Variants in TMTC2 observed in about 807,000 individuals in gnomAD.
TMTC2 encodes protein O-mannosyl-transferase TMTC2.
Under a neutral mutation model 82.4 loss-of-function variants are expected in TMTC2, and 43 were observed. The ratio of observed to expected loss-of-function variants is 0.52; its 90% CI spans 0.41 to 0.67. The LOEUF (loss-of-function observed/expected upper bound fraction) is 0.67, where lower values mean the gene tolerates loss of function less well. TMTC2 is among the 30% of genes least tolerant of loss of function. The pLI is 0.00. For synonymous variants in TMTC2, 408 were observed against 381.9 expected (o/e 1.07, Z -0.80); for missense variants, 919 against 1,012.4 (o/e 0.91, Z 1.25).
At chr12:82,976,478 C>T (rs1878681067) in intron 7 of TMTC2, among the ~76,000 whole-genome samples, 2 of 151,900 alleles carry the variant, frequency 1.3e-5, no homozygotes, top group South Asian at 2.1e-4. Context: ...AAGAGTTTCC[C>T]CTTAAGTTTA....
intron 10 of TMTC2, among the ~76,000 whole-genome samples, chr12:83,051,497 C>T (rs1882346187): frequency 6.6e-6 from 1 of 152,008 alleles, no homozygotes; most frequent in Admixed American, 6.6e-5. Context: ...CCTCTAAAAA[C>T]TACTAGTCAT....
At chr12:82,963,850 T>C (rs1206295737) in intron 4 of TMTC2, among the ~76,000 whole-genome samples, 2 of 119,310 alleles carry the variant, frequency 1.7e-5, no homozygotes, top group Non-Finnish European at 3.6e-5. Context: ...TATATATATA[T>C]GTGAAAGTGA....
chr12:83,002,120 G>A lies in TMTC2; in HGVS notation c.2070+16074G>A, dbSNP rs193121721. 4.6e-3 allele frequency among the ~76,000 whole-genome samples: 705 copies of A among 152,056 alleles called. 9 individuals carry two copies. Among genetic ancestry groups the A allele is most frequent in the African/African-American group, 0.016 (678 of 41,502 alleles). Reference sequence around the variant, plus strand: ...CCATCCAGTGGAAATCTTTTTTGGTGGTTAGGTTTTTTTATTACTGATTCA... The same window carrying A: ...CCATCCAGTGGAAATCTTTTTTGGTAGTTAGGTTTTTTTATTACTGATTCA... On this transcript the variant is annotated intron_variant, in intron 8 of 11. Coordinates refer to ENST00000321196, the MANE Select transcript of TMTC2 (RefSeq NM_152588.3).
intron 8 of TMTC2, among the ~76,000 whole-genome samples, chr12:83,029,114 TTTTTG>T (rs375722686): frequency 1.5e-4 from 23 of 152,144 alleles, no homozygotes; most frequent in African/African-American, 3.9e-4. Context: ...AACAATGAGT[TTTTTG>T]TTTTGTTTTG....
At chr12:83,118,274 T>C (rs1471225037) in intron 11 of TMTC2, among the ~76,000 whole-genome samples, 1 of 152,128 alleles carries the variant, frequency 6.6e-6, no homozygotes, top group East Asian at 1.9e-4. Context: ...TGCTTTCAAC[T>C]TTTCCCCATT....
chr12:82,959,046 G>A (rs1280991714), intron 4 of TMTC2, among the ~76,000 whole-genome samples: 4 of 152,074 alleles, frequency 2.6e-5, no homozygotes, highest in African/African-American at 4.8e-5. Context: ...TTCAAGCTGA[G>A]AGGGAAATAA....
chr12:82,990,921 G>GA (rs542101601), intron 8 of TMTC2, among the ~76,000 whole-genome samples: 150 of 151,832 alleles, frequency 9.9e-4, no homozygotes, highest in African/African-American at 2.2e-3. Flanking sequence ...GATCTGTGCT[G>GA]AAAAAAAATG....
At chr12:82,978,266 T>A (rs74109003) in intron 7 of TMTC2, among the ~76,000 whole-genome samples, 93 of 151,908 alleles carry the variant, frequency 6.1e-4, no homozygotes, top group African/African-American at 2.1e-3. Context: ...GAAATGAATG[T>A]ATATAAATAT....
chr12:82,964,886 G>T (rs1592661620), intron 4 of TMTC2, 138 bp from the exon 5 acceptor site: 1 of 507,988 alleles, frequency 2.0e-6, no homozygotes, highest in Non-Finnish European at 3.5e-6. Flanking sequence ...CTTATATTTA[G>T]AATTTATTTT....
At chr12:82,949,878 T>A (rs1877252038) in intron 4 of TMTC2, among the ~76,000 whole-genome samples, 1 of 152,200 alleles carries the variant, frequency 6.6e-6, no homozygotes, top group Admixed American at 6.5e-5. Flanking sequence ...AACCCCTTTA[T>A]AAGTGTATTG....
At chr12:82,806,983 G>T (rs954833703) in intron 1 of TMTC2, among the ~76,000 whole-genome samples, 1 of 152,080 alleles carries the variant, frequency 6.6e-6, no homozygotes, top group Non-Finnish European at 1.5e-5. Context: ...ATGACTCCTA[G>T]CACAGAACCC....
chr12:82,917,823 T>C lies in TMTC2; in HGVS notation c.1484-12608T>C, dbSNP rs535772733. On this transcript the variant is annotated intron_variant, in intron 3 of 11. Transcript: ENST00000321196. Reference sequence around the variant, plus strand: ...TTCACCGTGTTAGCCAGGATGGTCTTGATCTCCTGACCTCGTGATCCACCC... The same window carrying C: ...TTCACCGTGTTAGCCAGGATGGTCTCGATCTCCTGACCTCGTGATCCACCC... Among the ~76,000 whole-genome samples, 832 of 152,164 alleles carry C rather than the reference T, an allele frequency of 5.5e-3. 11 individuals carry two copies. The highest frequency in any genetic ancestry group is 0.019 in the African/African-American group (773 of 41,514).
chr12:83,021,320 AGAACT>A (rs1880912437), intron 8 of TMTC2, among the ~76,000 whole-genome samples: 1 of 152,134 alleles, frequency 6.6e-6, no homozygotes, highest in South Asian at 2.1e-4. Flanking sequence ...TCAATCACAC[AGAACT>A]CTATCACTCC....
intron 11 of TMTC2, among the ~76,000 whole-genome samples, chr12:83,079,991 C>T (rs1468392651): frequency 6.6e-6 from 1 of 152,148 alleles, no homozygotes; most frequent in African/African-American, 2.4e-5. Flanking sequence ...AGATTCTGTA[C>T]TTTAATTAGC....
Position 82,687,270 on chromosome 12 carries a change from G to C in TMTC2, c.-317G>C. 2.3e-6 allele frequency: 1 copy of C among 440,422 alleles called. No individual in the cohort carries two copies. The highest frequency in any genetic ancestry group is 3.7e-5 in the Admixed American group (1 of 26,758). 27.3% of individuals were successfully genotyped at this position (440,422 alleles called of 1,614,324 possible). A position where few individuals can be genotyped will look rare whatever the true frequency, so the allele number is the denominator to read the frequency against. ...TGCCATGGGTTAGGGTGGGGATCGC[G>C]ACCCGCGCGAAAGACCAGCCCTGCG... On this transcript the variant is annotated 5_prime_UTR_variant, in exon 1 of 12. Transcript: ENST00000321196.
chr12:83,030,736 C>T (rs188558437), intron 8 of TMTC2, 62 bp from the exon 9 acceptor site: 2 of 1,306,126 alleles, frequency 1.5e-6, no homozygotes, highest in East Asian at 2.3e-5. Flanking sequence ...TCAGTTAGGC[C>T]CAGGCAGTGA....
chr12:83,033,805 C>CGTGT (rs1555207118), intron 9 of TMTC2, among the ~76,000 whole-genome samples: 40 of 137,328 alleles, frequency 2.9e-4, no homozygotes, highest in Middle Eastern at 3.8e-3. Flanking sequence ...TATATATACA[C>CGTGT]ATATATGTGT....
intron 2 of TMTC2, among the ~76,000 whole-genome samples, chr12:82,861,115 A>T (rs1466859020): frequency 1.3e-5 from 2 of 152,356 alleles, no homozygotes; most frequent in East Asian, 3.9e-4. Flanking sequence ...TTAAAACATA[A>T]CTTATATACA....
At chr12:82,903,395 TTTTTGTTTTTG>T (rs11269050) in intron 3 of TMTC2, among the ~76,000 whole-genome samples, 42 of 151,788 alleles carry the variant, frequency 2.8e-4, no homozygotes, top group South Asian at 1.5e-3. Flanking sequence ...AGGTAGAGTT[TTTTTGTTTTTG>T]TTTTGTTTTT....
Sources: allele counts gnomAD v4.1 joint callset (sites outside exome capture counted in the v4.1 genomes callset), GRCh38; gene constraint gnomAD v4.1.1; transcripts MANE v1.5; gene names NCBI Gene and HGNC (gene_info 2026-07-23, HGNC 2026-07-21).